Variants in HPSE2 observed in about 807,000 individuals in gnomAD.
The protein encoded by HPSE2 is heparanase 2 (inactive).
In HPSE2, 38 loss-of-function variants were observed where a neutral mutation model predicts 60.5. That is an observed-to-expected ratio of 0.63 (90% CI 0.48 to 0.82). HPSE2 has a LOEUF of 0.82. Among genes scored for constraint, HPSE2 ranks in the 40% least tolerant of loss-of-function variants. HPSE2 has a pLI of 0.00. For synonymous variants in HPSE2, 295 were observed against 293.2 expected, an observed-to-expected ratio of 1.01 and a Z score of -0.06; for missense variants, 713 against 740.4, an observed-to-expected ratio of 0.96 and a Z score of 0.43.
intron 3 of HPSE2, among the ~76,000 whole-genome samples, chr10:98,769,277 AC>A (rs1401932329): frequency 6.6e-6 from 1 of 151,958 alleles, no homozygotes; most frequent in Non-Finnish European, 1.5e-5. Flanking sequence ...CATAAAAAAC[AC>A]CCTCTTTCCA....
intron 6 of HPSE2, among the ~76,000 whole-genome samples, chr10:98,673,143 G>A (rs1049643953): frequency 4.6e-5 from 7 of 152,168 alleles, no homozygotes; most frequent in Non-Finnish European, 8.8e-5. Flanking sequence ...ATAACTGTCT[G>A]TAATCTGAGG....
chr10:98,798,537 G>A (rs956383615), intron 3 of HPSE2, among the ~76,000 whole-genome samples: 31 of 152,122 alleles, frequency 2.0e-4, no homozygotes, highest in African/African-American at 4.8e-5. Context: ...GACATAGGCA[G>A]TACAGTAAGA....
intron 3 of HPSE2, among the ~76,000 whole-genome samples, chr10:99,032,818 C>T (rs1219946005): frequency 6.6e-6 from 1 of 152,194 alleles, no homozygotes; most frequent in Non-Finnish European, 1.5e-5. Flanking sequence ...CTTCCTCCAT[C>T]CTCAAAGCCA....
chr10:99,001,109 A>G (rs1956768442), intron 3 of HPSE2, among the ~76,000 whole-genome samples: 1 of 152,080 alleles, frequency 6.6e-6, no homozygotes, highest in Admixed American at 6.6e-5. Flanking sequence ...CATTTCTCTA[A>G]TCACCCTCTA....
At chr10:98,975,949 A>T (rs529061274) in intron 3 of HPSE2, among the ~76,000 whole-genome samples, 3 of 152,334 alleles carry the variant, frequency 2.0e-5, no homozygotes, top group Non-Finnish European at 4.4e-5. Flanking sequence ...TAGAAATAGA[A>T]TAGAACTAAG....
chr10:98,858,170 G>A (rs1952364004), intron 3 of HPSE2, among the ~76,000 whole-genome samples: 1 of 152,170 alleles, frequency 6.6e-6, no homozygotes, highest in Admixed American at 6.6e-5. Flanking sequence ...GAATGTCTAT[G>A]TGAATGAATT....
At chr10:98,476,076 G>A (rs542139583) in intron 11 of HPSE2, among the ~76,000 whole-genome samples, 40 of 151,496 alleles carry the variant, frequency 2.6e-4, no homozygotes, top group East Asian at 7.8e-4. Context: ...ACCAACCCAA[G>A]TGTCCAACAA....
chr10:98,516,459 T>A (rs1401797181), intron 9 of HPSE2, among the ~76,000 whole-genome samples: 1 of 152,212 alleles, frequency 6.6e-6, no homozygotes, highest in African/African-American at 2.4e-5. Context: ...TAAAAGTGCC[T>A]GATGAAATGG....
At chr10:98,834,072 G>A (rs777330980) in intron 3 of HPSE2, among the ~76,000 whole-genome samples, 8 of 152,102 alleles carry the variant, frequency 5.3e-5, no homozygotes, top group South Asian at 2.1e-4. Context: ...AGAAAAAAAA[G>A]TTGCCAAATA....
chr10:98,661,483 G>A (rs1202767671), intron 6 of HPSE2, among the ~76,000 whole-genome samples: 3 of 152,146 alleles, frequency 2.0e-5, no homozygotes, highest in Admixed American at 2.0e-4. Flanking sequence ...AGCAACAAAT[G>A]CTATCAGTTT....
intron 3 of HPSE2, among the ~76,000 whole-genome samples, chr10:98,875,205 C>G (rs1952842145): frequency 6.6e-6 from 1 of 151,762 alleles, no homozygotes; most frequent in Non-Finnish European, 1.5e-5. Flanking sequence ...GATAGAGATC[C>G]AAAAACCCTC....
chr10:98,763,137 G>A (rs759626008), intron 3 of HPSE2, among the ~76,000 whole-genome samples: 7 of 151,244 alleles, frequency 4.6e-5, no homozygotes, highest in Non-Finnish European at 8.9e-5. Context: ...TAAAACAGGA[G>A]AAATATACAA....
intron 3 of HPSE2, among the ~76,000 whole-genome samples, chr10:99,077,890 G>A (rs1489787110): frequency 6.6e-6 from 1 of 152,176 alleles, no homozygotes; most frequent in Non-Finnish European, 1.5e-5. Context: ...GGGCCTGGTA[G>A]TAGGTGTTTG....
At chr10:99,279,823 T>C in the HPSE2 span, among the ~76,000 whole-genome samples, 1 of 152,202 alleles carries the variant, frequency 6.6e-6, no homozygotes, top group Non-Finnish European at 1.5e-5. Context: ...AATTCTCTAT[T>C]TGCATATTGC....
chr10:98,918,242 T>C (rs942902024), intron 3 of HPSE2, among the ~76,000 whole-genome samples: 70 of 152,214 alleles, frequency 4.6e-4, no homozygotes, highest in African/African-American at 1.7e-3. Context: ...AAACATTTGT[T>C]CATTCAACCA....
chr10:99,314,008 C>G, the HPSE2 span, among the ~76,000 whole-genome samples: 1 of 152,140 alleles, frequency 6.6e-6, no homozygotes, highest in Non-Finnish European at 1.5e-5. Flanking sequence ...TTATTGTTAT[C>G]TCATTTTAAG....
chr10:99,064,878 A>G (rs1418499108), intron 3 of HPSE2, among the ~76,000 whole-genome samples: 4 of 152,142 alleles, frequency 2.6e-5, no homozygotes, highest in African/African-American at 9.7e-5. Flanking sequence ...TGGTAATTCT[A>G]GATTTAAAAT....
chr10:98,980,725 C>G (rs1365389996), intron 3 of HPSE2, among the ~76,000 whole-genome samples: 1 of 152,086 alleles, frequency 6.6e-6, no homozygotes, highest in Admixed American at 6.6e-5. Context: ...CACGAAGACT[C>G]AAATATGGAA....
At chr10:98,525,688 G>T (rs539263029) in intron 9 of HPSE2, among the ~76,000 whole-genome samples, 1 of 152,158 alleles carries the variant, frequency 6.6e-6, no homozygotes, top group South Asian at 2.1e-4. Flanking sequence ...TATTTACCTG[G>T]GTGGCCTTTG....
Sources: gnomAD v4.1 joint callset for allele counts (sites outside exome capture counted in the v4.1 genomes callset) on GRCh38, gnomAD v4.1.1 for gene constraint, MANE v1.5 for transcripts, NCBI Gene and HGNC (gene_info 2026-07-23, HGNC 2026-07-21) for gene names.